PTPRD: variants seen among roughly 807,000 people sequenced by gnomAD.
The protein encoded by PTPRD is protein tyrosine phosphatase receptor type D.
In PTPRD, 34 loss-of-function variants were observed where a neutral mutation model predicts 214.5. That is an observed-to-expected ratio of 0.16 (90% confidence interval 0.12 to 0.21). The LOEUF is 0.21. Ranked by LOEUF, PTPRD falls within the 10% of genes least tolerant of loss-of-function variation. The probability of loss-of-function intolerance (pLI) is 1.00; values close to 1 mark genes in which losing one functional copy is unlikely to be tolerated. For missense variants in PTPRD, 2,545 were observed against 2,398.7 expected (o/e 1.06, Z -1.27); for synonymous variants, 1,128 against 845.7 (o/e 1.33, Z -5.79).
chr9:9,933,167 A>G (rs2087484434), intron 5 of PTPRD, among the ~76,000 whole-genome samples: 1 of 152,394 alleles, frequency 6.6e-6, no homozygotes, highest in African/African-American at 2.4e-5. Flanking sequence ...TAACTGCATC[A>G]ACTAACGTGC....
intron 7 of PTPRD, among the ~76,000 whole-genome samples, chr9:9,625,801 T>A (rs965354594): frequency 6.6e-6 from 1 of 152,134 alleles, no homozygotes; most frequent in African/African-American, 2.4e-5. Flanking sequence ...GAACAGTTAA[T>A]TGTAGAAAGA....
At chr9:10,419,028 T>C (rs1198515750) in intron 2 of PTPRD, among the ~76,000 whole-genome samples, 2 of 151,814 alleles carry the variant, frequency 1.3e-5, no homozygotes, top group African/African-American at 4.8e-5. Context: ...AGAGAAGTGG[T>C]CAAGGACAGC....
chr9:9,959,960 T>G (rs2094234445), intron 4 of PTPRD, among the ~76,000 whole-genome samples: 1 of 152,168 alleles, frequency 6.6e-6, no homozygotes, highest in Non-Finnish European at 1.5e-5. Context: ...ATTAAGCACA[T>G]ATATTTTTTG....
intron 2 of PTPRD, among the ~76,000 whole-genome samples, chr9:10,410,893 G>C (rs1755342420): frequency 6.6e-6 from 1 of 151,674 alleles, no homozygotes; most frequent in African/African-American, 2.4e-5. Flanking sequence ...TTAAATCACA[G>C]CTAAACTTAC....
chr9:9,251,459 T>C (rs1594579925), intron 9 of PTPRD, among the ~76,000 whole-genome samples: 1 of 152,228 alleles, frequency 6.6e-6, no homozygotes, highest in Non-Finnish European at 1.5e-5. Context: ...TATTTGGTAA[T>C]TCCTTCTCTT....
intron 10 of PTPRD, among the ~76,000 whole-genome samples, chr9:9,161,807 T>C (rs1165310795): frequency 1.3e-5 from 2 of 152,112 alleles, no homozygotes; most frequent in African/African-American, 4.8e-5. Flanking sequence ...TGGTAAACTA[T>C]GTAACACATC....
intron 3 of PTPRD, among the ~76,000 whole-genome samples, chr9:10,046,561 G>A (rs1160251491): frequency 6.6e-6 from 1 of 151,806 alleles, no homozygotes; most frequent in Non-Finnish European, 1.5e-5. Flanking sequence ...ATTATCAGAA[G>A]TTGCCTCGGA....
At chr9:8,598,037 C>T (rs550521002) in intron 14 of PTPRD, among the ~76,000 whole-genome samples, 1 of 152,176 alleles carries the variant, frequency 6.6e-6, no homozygotes, top group South Asian at 2.1e-4. Flanking sequence ...TTTTTATCCC[C>T]TTACTAGTTA....
chr9:8,569,082 G>A (rs768404582), intron 14 of PTPRD, among the ~76,000 whole-genome samples: 55 of 152,032 alleles, frequency 3.6e-4, no homozygotes, highest in Middle Eastern at 3.4e-3. Context: ...TACCTCCAGA[G>A]GCTTCCTCTC....
intron 2 of PTPRD, among the ~76,000 whole-genome samples, chr9:10,515,202 T>G (rs1328706019): frequency 6.6e-6 from 1 of 151,998 alleles, no homozygotes. Flanking sequence ...AAGTATAACT[T>G]CAACAGATTC....
At chr9:9,318,523 T>C (rs915262264) in intron 9 of PTPRD, among the ~76,000 whole-genome samples, 8 of 152,178 alleles carry the variant, frequency 5.3e-5, no homozygotes, top group African/African-American at 1.9e-4. Flanking sequence ...TATTACAAAA[T>C]GTAATACTAC....
chr9:9,786,826 T>C (rs775456217), intron 5 of PTPRD, among the ~76,000 whole-genome samples: 4 of 152,180 alleles, frequency 2.6e-5, no homozygotes, highest in Non-Finnish European at 5.9e-5. Flanking sequence ...ATCTTAATAC[T>C]AATTTTTATT....
At chr9:8,798,674 G>A (rs555612254) in intron 11 of PTPRD, among the ~76,000 whole-genome samples, 40 of 152,126 alleles carry the variant, frequency 2.6e-4, no homozygotes, top group Non-Finnish European at 5.0e-4. Context: ...GTTGATGGTG[G>A]GAGTTGCAAT....
intron 3 of PTPRD, among the ~76,000 whole-genome samples, chr9:10,243,403 T>C (rs1016926251): frequency 6.6e-6 from 1 of 152,034 alleles, no homozygotes. Flanking sequence ...TCTTGCTGGT[T>C]GTGGAGGTTT....
intron 36 of PTPRD, among the ~76,000 whole-genome samples, chr9:8,391,504 A>C (rs2089545745): frequency 6.6e-6 from 1 of 152,214 alleles, no homozygotes; most frequent in Non-Finnish European, 1.5e-5. Context: ...TTTAAATAAA[A>C]TTCTCAGGTT....
At position 8,672,229 on chromosome 9, in the gene PTPRD, C is replaced by T. The variant is rs376799502; in HGVS notation, c.65-35385G>A. Reference sequence around the variant, plus strand: ...TCTTAAATCCATTTCTTCGCTGAGACGTGAAAATAATTTTATTAGTACAGA... The same window carrying T: ...TCTTAAATCCATTTCTTCGCTGAGATGTGAAAATAATTTTATTAGTACAGA... On this transcript the variant is annotated intron_variant, in intron 12 of 45. Coordinates refer to ENST00000381196, the MANE Select transcript of PTPRD (RefSeq NM_002839.4). Among the ~76,000 whole-genome samples, 27 of 152,158 alleles carry T rather than the reference C, an allele frequency of 1.8e-4. No homozygotes were observed. The South Asian group carries it at 4.1e-3, about 23-fold the overall frequency.
intron 3 of PTPRD, among the ~76,000 whole-genome samples, chr9:10,235,180 G>C: frequency 6.6e-6 from 1 of 151,874 alleles, no homozygotes; most frequent in South Asian, 2.1e-4. Context: ...TAAATATTGT[G>C]AATGTTAATT....
chr9:10,520,368 G>A (rs1330346482), intron 2 of PTPRD, among the ~76,000 whole-genome samples: 1 of 152,124 alleles, frequency 6.6e-6, no homozygotes, highest in East Asian at 1.9e-4. Context: ...CAAAGACTAA[G>A]AAAGGTGATG....
intron 9 of PTPRD, among the ~76,000 whole-genome samples, chr9:9,201,094 G>T (rs2099941569): frequency 6.6e-6 from 1 of 152,130 alleles, no homozygotes; most frequent in East Asian, 1.9e-4. Context: ...ATCTTATCAT[G>T]AAAAGTGGTT....
Sources: gnomAD v4.1 joint callset for allele counts (sites outside exome capture counted in the v4.1 genomes callset) on GRCh38, gnomAD v4.1.1 for gene constraint, MANE v1.5 for transcripts, NCBI Gene and HGNC (gene_info 2026-07-23, HGNC 2026-07-21) for gene names.